The following CAMTA1 variants were observed in gnomAD, a reference collection of about 807,000 sequenced individuals.
CAMTA1 encodes the protein calmodulin-binding transcription activator 1.
Under a neutral mutation model 170.9 loss-of-function variants are expected in CAMTA1, and 27 were observed. The ratio of observed to expected loss-of-function variants is 0.16; its 90% CI spans 0.12 to 0.22. The LOEUF (loss-of-function observed/expected upper bound fraction) is 0.22, where lower values mean the gene tolerates loss of function less well. CAMTA1 is among the 10% of genes least tolerant of loss of function. The probability of loss-of-function intolerance (pLI) is 1.00; values close to 1 mark genes in which losing one functional copy is unlikely to be tolerated. For missense variants in CAMTA1, 1,619 were observed against 2,217.2 expected, an observed-to-expected ratio of 0.73 and a Z score of 5.42; for synonymous variants, 833 against 891.5, an observed-to-expected ratio of 0.93 and a Z score of 1.17.
chr1:7,410,904 TGTG>T, intron 5 of CAMTA1, among the ~76,000 whole-genome samples: 1 of 130,038 alleles, frequency 7.7e-6, no homozygotes, highest in African/African-American at 4.1e-5. Context: ...CGTCTGTGTG[TGTG>T]TGTGTGTGTG....
chr1:7,397,170 C>T (rs564027292), intron 5 of CAMTA1, among the ~76,000 whole-genome samples: 1 of 152,164 alleles, frequency 6.6e-6, no homozygotes, highest in South Asian at 2.1e-4. Flanking sequence ...ACTCATTACT[C>T]ATTATTCATT....
At chr1:7,201,605 G>A (rs1277010183) in intron 4 of CAMTA1, among the ~76,000 whole-genome samples, 5 of 152,056 alleles carry the variant, frequency 3.3e-5, no homozygotes, top group South Asian at 4.2e-4. Flanking sequence ...TCTCTTTATG[G>A]TTTTGATGTG....
At chr1:7,432,540 G>A (rs1030398882) in intron 5 of CAMTA1, among the ~76,000 whole-genome samples, 5 of 152,226 alleles carry the variant, frequency 3.3e-5, no homozygotes, top group African/African-American at 1.2e-4. Flanking sequence ...AGTCAGGGCT[G>A]TCTGGGAGAG....
At chr1:6,840,187 G>A (rs527643843) in intron 3 of CAMTA1, among the ~76,000 whole-genome samples, 1 of 152,112 alleles carries the variant, frequency 6.6e-6, no homozygotes, top group East Asian at 1.9e-4. Context: ...CAACAAGAGC[G>A]GAACACCGTC....
rs1040313217 is a variant in CAMTA1 at position 7,769,137 on chromosome 1, A to T, written c.*2646A>T. The T allele has an allele frequency of 4.6e-5, 7 of 152,762 alleles. No individual in the cohort carries two copies. Among genetic ancestry groups the T allele is most frequent in the African/African-American group, 1.7e-4 (7 of 41,438 alleles). The allele number at this position is 152,762 out of a possible 1,614,324, so 9.5% of individuals were successfully genotyped here. ...AGTAGGTTTAAAGCCTACCAGTGTAACCTACCAGTACAACTGTGAATCCTA... is the reference window on the plus strand; with the variant it reads ...AGTAGGTTTAAAGCCTACCAGTGTATCCTACCAGTACAACTGTGAATCCTA... On this transcript the variant is annotated 3_prime_UTR_variant, in exon 23 of 23. Coordinates refer to ENST00000303635, the MANE Select transcript of CAMTA1 (RefSeq NM_015215.4).
At chr1:7,726,787 A>C (rs1238282734) in intron 11 of CAMTA1, among the ~76,000 whole-genome samples, 1 of 152,174 alleles carries the variant, frequency 6.6e-6, no homozygotes, top group Non-Finnish European at 1.5e-5. Context: ...TCAGGATAAG[A>C]ACTAAAAATC....
intron 4 of CAMTA1, among the ~76,000 whole-genome samples, chr1:7,156,628 A>C (rs762033774): frequency 2.6e-5 from 4 of 152,264 alleles, no homozygotes; most frequent in Non-Finnish European, 4.4e-5. Flanking sequence ...AGTTGCCTGC[A>C]GCTTTGCTAA....
chr1:6,997,261 T>TTG (rs56747237), intron 3 of CAMTA1, among the ~76,000 whole-genome samples: 18,836 of 151,576 alleles, frequency 0.12, 1,237 homozygotes, highest in East Asian at 0.2. Flanking sequence ...GTTTTTTGCT[T>TTG]TGTGTGTGTG....
At chr1:7,617,590 T>G (rs1473425444) in intron 6 of CAMTA1, among the ~76,000 whole-genome samples, 1 of 152,028 alleles carries the variant, frequency 6.6e-6, no homozygotes, top group Non-Finnish European at 1.5e-5. Context: ...GAGCAGCCCC[T>G]TTCCCTGCTA....
At chr1:7,056,109 G>A in intron 3 of CAMTA1, among the ~76,000 whole-genome samples, 1 of 152,132 alleles carries the variant, frequency 6.6e-6, no homozygotes, top group Non-Finnish European at 1.5e-5. Context: ...ACTCGATATG[G>A]GTGGGAGATG....
intron 3 of CAMTA1, among the ~76,000 whole-genome samples, chr1:7,045,650 T>G (rs900250092): frequency 1.3e-5 from 2 of 152,242 alleles, no homozygotes; most frequent in Non-Finnish European, 2.9e-5. Flanking sequence ...TGAATCCTGG[T>G]TCTTTTGATT....
chr1:7,407,635 T>G (rs1421035693), intron 5 of CAMTA1, among the ~76,000 whole-genome samples: 1 of 152,108 alleles, frequency 6.6e-6, no homozygotes, highest in Non-Finnish European at 1.5e-5. Flanking sequence ...CCCTCTGGCT[T>G]TAAGAATGAA....
intron 7 of CAMTA1, among the ~76,000 whole-genome samples, chr1:7,654,665 C>CA (rs2095869182): frequency 7.1e-6 from 1 of 141,672 alleles, no homozygotes; most frequent in Non-Finnish European, 1.5e-5. Flanking sequence ...TACACACACA[C>CA]CTATACACAC....
intron 6 of CAMTA1, among the ~76,000 whole-genome samples, chr1:7,494,226 A>G (rs2093789431): frequency 6.6e-6 from 1 of 151,822 alleles, no homozygotes; most frequent in East Asian, 1.9e-4. Flanking sequence ...TTCAGGCCCT[A>G]GATTTTCCTG....
At chr1:6,961,364 C>T (rs1690372308) in intron 3 of CAMTA1, among the ~76,000 whole-genome samples, 1 of 152,184 alleles carries the variant, frequency 6.6e-6, no homozygotes, top group Admixed American at 6.5e-5. Context: ...CTGGGATGAG[C>T]TCTGCACGTC....
intron 5 of CAMTA1, among the ~76,000 whole-genome samples, chr1:7,467,551 C>T (rs2093239743): frequency 6.6e-6 from 1 of 152,234 alleles, no homozygotes; most frequent in African/African-American, 2.4e-5. Context: ...TTTCCCTGGT[C>T]CTTGGCTGTC....
chr1:7,020,439 T>C (rs1279750893), intron 3 of CAMTA1, among the ~76,000 whole-genome samples: 1 of 152,180 alleles, frequency 6.6e-6, no homozygotes, highest in Non-Finnish European at 1.5e-5. Context: ...GGCTATCCCC[T>C]CTAGGTTTGT....
At chr1:7,281,578 T>C (rs1671511326) in intron 5 of CAMTA1, among the ~76,000 whole-genome samples, 1 of 152,220 alleles carries the variant, frequency 6.6e-6, no homozygotes, top group Non-Finnish European at 1.5e-5. Flanking sequence ...TTAGAAAAAG[T>C]ATTAAAATAG....
intron 6 of CAMTA1, among the ~76,000 whole-genome samples, chr1:7,494,866 C>G (rs2093800203): frequency 6.6e-6 from 1 of 152,144 alleles, no homozygotes; most frequent in African/African-American, 2.4e-5. Flanking sequence ...AGGGGAGGAA[C>G]AAGTAGGGAA....
Sources: allele counts gnomAD v4.1 joint callset (sites outside exome capture counted in the v4.1 genomes callset), GRCh38; gene constraint gnomAD v4.1.1; transcripts MANE v1.5; gene names NCBI Gene and HGNC (gene_info 2026-07-23, HGNC 2026-07-21).